Variants in MYO16 observed in about 807,000 individuals in gnomAD.
MYO16 encodes the protein unconventional myosin-XVI.
MYO16 carries 94 observed loss-of-function variants against 205.3 expected under a neutral mutation model. That is an observed-to-expected ratio of 0.46 (90% confidence interval 0.39 to 0.54). The LOEUF (loss-of-function observed/expected upper bound fraction) is 0.54. MYO16 is among the 20% of genes least tolerant of loss of function. The pLI, the probability that MYO16 is intolerant of heterozygous loss-of-function variation, is 0.00. For synonymous variants in MYO16, 988 were observed against 954.0 expected, an observed-to-expected ratio of 1.04 and a Z score of -0.66; for missense variants, 2,315 against 2,387.5, an observed-to-expected ratio of 0.97 and a Z score of 0.63.
intron 27 of MYO16, among the ~76,000 whole-genome samples, chr13:109,093,611 C>T (rs1888687416): frequency 1.3e-5 from 2 of 152,154 alleles, no homozygotes; most frequent in African/African-American, 4.8e-5. Context: ...GAAACGTCAG[C>T]CACAGCCTCC....
intron 2 of MYO16, among the ~76,000 whole-genome samples, chr13:108,705,272 T>C (rs1926532): frequency 0.76 from 115,386 of 152,062 alleles, 44,008 homozygotes; most frequent in East Asian, 0.98. Flanking sequence ...CTGCTCTTGT[T>C]ATCTAACCAT....
rs1403309256 is a variant in MYO16, at chr13:109,207,864, T to C, written c.*1028T>C. 6.6e-6 allele frequency: 1 copy of C among 152,256 alleles called. No homozygotes were observed. The highest frequency in any genetic ancestry group is 2.4e-5 in the African/African-American group (1 of 41,466). The allele number at this position is 152,256 out of a possible 1,614,324, so 9.4% of individuals were successfully genotyped here. On this transcript the variant is annotated 3_prime_UTR_variant, in exon 35 of 35. Transcript: ENST00000457511. ...AACCCTCCCATAATGCAAGGCCTTG[T>C]TCATTGATGTGCTTTCGTCGGCTGT...
At chr13:108,923,950 ATGT>A (rs1284068331) in intron 16 of MYO16, among the ~76,000 whole-genome samples, 1 of 152,122 alleles carries the variant, frequency 6.6e-6, no homozygotes, top group Non-Finnish European at 1.5e-5. Context: ...GTTACATTTC[ATGT>A]TGTTAACTTT....
At chr13:109,111,878 G>C (rs1889299030) in intron 28 of MYO16, among the ~76,000 whole-genome samples, 1 of 152,094 alleles carries the variant, frequency 6.6e-6, no homozygotes, top group Non-Finnish European at 1.5e-5. Flanking sequence ...AGTAGAGACA[G>C]GGTTTCACCA....
intron 11 of MYO16, among the ~76,000 whole-genome samples, chr13:108,858,391 G>A (rs946120161): frequency 6.6e-5 from 10 of 152,064 alleles, no homozygotes; most frequent in Non-Finnish European, 1.2e-4. Context: ...TCAAATACCC[G>A]AATTTGGTCA....
At chr13:108,583,943 G>A in the MYO16 span, among the ~76,000 whole-genome samples, 1 of 152,006 alleles carries the variant, frequency 6.6e-6, no homozygotes, top group African/African-American at 2.4e-5. Flanking sequence ...AGATTTACCC[G>A]TTAAAGTAGT....
intron 9 of MYO16, among the ~76,000 whole-genome samples, chr13:108,835,016 T>A (rs190964794): frequency 6.6e-6 from 1 of 152,186 alleles, no homozygotes; most frequent in Non-Finnish European, 1.5e-5. Context: ...CTGTACAATT[T>A]GCACTTTTCT....
At chr13:108,954,209 A>G (rs111978461) in intron 16 of MYO16, among the ~76,000 whole-genome samples, 1 of 152,338 alleles carries the variant, frequency 6.6e-6, no homozygotes, top group South Asian at 2.1e-4. Flanking sequence ...GCAGGGCTGC[A>G]GGGAGCTTAC....
chr13:108,720,554 G>A (rs1219673507), intron 3 of MYO16, among the ~76,000 whole-genome samples: 2 of 152,078 alleles, frequency 1.3e-5, no homozygotes, highest in Non-Finnish European at 2.9e-5. Context: ...TTCCCCCATA[G>A]CTACCTAAAA....
intron 14 of MYO16, among the ~76,000 whole-genome samples, chr13:108,890,218 A>G (rs1880106155): frequency 6.9e-6 from 1 of 143,932 alleles, no homozygotes; most frequent in East Asian, 2.1e-4. Flanking sequence ...TGCTAGGATT[A>G]CAGGCGTGAA....
chr13:108,820,208 G>A, intron 7 of MYO16, 129 bp from the exon 8 acceptor site: 1 of 608,710 alleles, frequency 1.6e-6, no homozygotes, highest in Non-Finnish European at 2.9e-6. Context: ...GGGACAGGAA[G>A]GACTTCTGAG....
intron 21 of MYO16, among the ~76,000 whole-genome samples, chr13:109,004,671 A>G (rs1885332276): frequency 6.6e-6 from 1 of 152,180 alleles, no homozygotes; most frequent in Non-Finnish European, 1.5e-5. Flanking sequence ...ATAAACATAG[A>G]AACTGATCAT....
chr13:108,682,234 A>G (rs780245010), intron 2 of MYO16, among the ~76,000 whole-genome samples: 2 of 152,230 alleles, frequency 1.3e-5, no homozygotes, highest in Admixed American at 6.5e-5. Flanking sequence ...AAATGCCTCA[A>G]TCATCTCTGT....
chr13:108,707,444 T>A (rs4772987), intron 2 of MYO16, among the ~76,000 whole-genome samples: 80,941 of 151,976 alleles, frequency 0.53, 22,376 homozygotes, highest in East Asian at 0.85. Context: ...GTAAGGATCT[T>A]AAGCATAGTG....
chr13:109,043,055 T>C (rs761663260), intron 23 of MYO16, among the ~76,000 whole-genome samples: 1 of 152,192 alleles, frequency 6.6e-6, no homozygotes, highest in Non-Finnish European at 1.5e-5. Context: ...CCGGGTGCCA[T>C]GTATGAGAAC....
chr13:108,801,125 T>C (rs1190216012), intron 6 of MYO16, among the ~76,000 whole-genome samples: 1 of 152,220 alleles, frequency 6.6e-6, no homozygotes, highest in Admixed American at 6.5e-5. Context: ...CTTCAAAATA[T>C]GCCGAGTTCA....
At chr13:108,536,507 G>C in the MYO16 span, among the ~76,000 whole-genome samples, 2 of 151,998 alleles carry the variant, frequency 1.3e-5, no homozygotes, top group African/African-American at 4.8e-5. Flanking sequence ...AACAATAACA[G>C]TAACAAGCTC....
upstream of MYO16, among the ~76,000 whole-genome samples, chr13:108,625,696 A>G (rs1424540459): frequency 6.6e-6 from 1 of 152,254 alleles, no homozygotes. Flanking sequence ...CACAGGGCAG[A>G]GGCAATGATG....
At chr13:108,851,973 G>A (rs1339734065) in intron 10 of MYO16, among the ~76,000 whole-genome samples, 3 of 151,924 alleles carry the variant, frequency 2.0e-5, no homozygotes, top group African/African-American at 7.3e-5. Flanking sequence ...CATGTTCTAG[G>A]GCCTCCCACA....
Sources: gnomAD v4.1 joint callset for allele counts (sites outside exome capture counted in the v4.1 genomes callset) on GRCh38, gnomAD v4.1.1 for gene constraint, MANE v1.5 for transcripts, NCBI Gene and HGNC (gene_info 2026-07-23, HGNC 2026-07-21) for gene names.